EYA2: variants seen among roughly 807,000 people sequenced by gnomAD.
The protein encoded by EYA2 is EYA transcriptional coactivator and phosphatase 2.
EYA2 carries 31 observed loss-of-function variants against 69.2 expected under a neutral mutation model. The ratio of observed to expected loss-of-function variants is 0.45; its 90% CI spans 0.34 to 0.60. The LOEUF is 0.60. EYA2 is among the 20% of genes least tolerant of loss of function. The pLI, the probability that EYA2 is intolerant of heterozygous loss-of-function variation, is 0.02. For missense variants in EYA2, 622 were observed against 701.2 expected (o/e 0.89, Z 1.28); for synonymous variants, 257 against 279.4 (o/e 0.92, Z 0.80).
chr20:47,011,870 G>T (rs2146362872), intron 4 of EYA2, among the ~76,000 whole-genome samples: 1 of 152,316 alleles, frequency 6.6e-6, no homozygotes, highest in African/African-American at 2.4e-5. Context: ...GGAGAATTGT[G>T]TTAGTGTGAG....
rs75197242 is a variant in EYA2 at position 47,069,804 on chromosome 20, C to T, written c.416-2381C>T. Among the ~76,000 whole-genome samples, 1,326 of 151,778 alleles carry T rather than the reference C, an allele frequency of 8.7e-3. 20 individuals are homozygous for T. Among genetic ancestry groups the T allele is most frequent in the African/African-American group, 0.031 (1,270 of 41,394 alleles). On this transcript the variant is annotated intron_variant, in intron 5 of 15. Coordinates refer to ENST00000327619, the MANE Select transcript of EYA2 (RefSeq NM_005244.5). ...GAAAGGATAGACTTTTTATAGTGGT[C>T]CTGGAACAACTGTGTGTGTGTATAT...
chr20:46,924,396 C>T (rs1285467370), intron 1 of EYA2, among the ~76,000 whole-genome samples: 1 of 152,132 alleles, frequency 6.6e-6, no homozygotes, highest in Non-Finnish European at 1.5e-5. Flanking sequence ...GTAGGCCGGG[C>T]ACGCTGGCTC....
intron 1 of EYA2, among the ~76,000 whole-genome samples, chr20:46,910,919 T>G (rs1352605350): frequency 6.6e-6 from 1 of 152,192 alleles, no homozygotes; most frequent in Non-Finnish European, 1.5e-5. Context: ...CGCAGTTGAC[T>G]GGGGCTGGGA....
intron 1 of EYA2, among the ~76,000 whole-genome samples, chr20:46,930,875 G>A (rs563527437): frequency 5.3e-5 from 8 of 152,186 alleles, no homozygotes; most frequent in Admixed American, 3.3e-4. Context: ...CCATGACTCT[G>A]AGAAATAATA....
Position 47,071,084 on chromosome 20 carries a change from G to A in EYA2, c.416-1101G>A, listed in dbSNP as rs865870900. Among the ~76,000 whole-genome samples, 87 of 151,930 alleles carry A rather than the reference G, an allele frequency of 5.7e-4. 1 individual carries two copies. Among genetic ancestry groups the A allele is most frequent in the African/African-American group, 1.8e-3 (74 of 41,440 alleles). ...GAGTGCAGTGGCACAGTCTTGGCTCGCTGCTACCTCCGCCTCCCGAGTTCA... is the reference window on the plus strand; with the variant it reads ...GAGTGCAGTGGCACAGTCTTGGCTCACTGCTACCTCCGCCTCCCGAGTTCA... On this transcript the variant is annotated intron_variant, in intron 5 of 15. Coordinates refer to ENST00000327619, the MANE Select transcript of EYA2 (RefSeq NM_005244.5).
At chr20:47,121,075 T>TTTGTTG (rs146530303) in intron 9 of EYA2, among the ~76,000 whole-genome samples, 7 of 151,548 alleles carry the variant, frequency 4.6e-5, no homozygotes, top group East Asian at 1.9e-4. Flanking sequence ...GGAATTCAAG[T>TTTGTTG]TTGTTGTTGT....
intron 9 of EYA2, among the ~76,000 whole-genome samples, chr20:47,114,209 C>T (rs376534339): frequency 6.6e-6 from 1 of 152,228 alleles, no homozygotes; most frequent in South Asian, 2.1e-4. Flanking sequence ...CCCTGAGGCT[C>T]ACCTCGCTGA....
Position 47,007,808 on chromosome 20 carries a change from G to T in EYA2, c.298+2724G>T, listed in dbSNP as rs553316483. Among the ~76,000 whole-genome samples, 4 of 151,686 alleles carry T rather than the reference G, an allele frequency of 2.6e-5. No homozygotes were observed. In the South Asian group the frequency reaches 8.4e-4, roughly 32 times the overall value. ...TTTTTTTTTATTTTTTTGTAGAGAC[G>T]GGGGGTGGGGGGTCTCACTTTGTTG... On this transcript the variant is annotated intron_variant, in intron 4 of 15. Coordinates refer to ENST00000327619, the MANE Select transcript of EYA2 (RefSeq NM_005244.5).
intron 9 of EYA2, among the ~76,000 whole-genome samples, chr20:47,100,003 CTTTGGTTTGGTTTGGTTTGGTTTGG>C (rs58530559): frequency 6.6e-6 from 1 of 151,540 alleles, no homozygotes; most frequent in Admixed American, 6.6e-5. Flanking sequence ...GGACAGGGAC[CTTTGGTTTGGTTTGGTTTGGTTTGG>C]TTTGGTTTGG....
intron 9 of EYA2, among the ~76,000 whole-genome samples, chr20:47,106,307 A>T (rs1239941165): frequency 1.3e-5 from 2 of 152,114 alleles, no homozygotes; most frequent in African/African-American, 2.4e-5. Flanking sequence ...ACATGGTAGG[A>T]GCTCAGTAAA....
intron 9 of EYA2, among the ~76,000 whole-genome samples, chr20:47,101,098 T>G (rs1472563814): frequency 2.6e-5 from 4 of 152,226 alleles, no homozygotes; most frequent in African/African-American, 4.8e-5. Context: ...TTTATTAATT[T>G]TTTTAGAGAC....
intron 5 of EYA2, among the ~76,000 whole-genome samples, chr20:47,053,496 T>C (rs2146438751): frequency 6.6e-6 from 1 of 151,854 alleles, no homozygotes; most frequent in Non-Finnish European, 1.5e-5. Flanking sequence ...CAAAACTCCG[T>C]CTCTACTAGA....
intron 9 of EYA2, 42 bp downstream of exon 9, chr20:47,097,210 A>G: frequency 1.4e-6 from 2 of 1,471,960 alleles, no homozygotes; most frequent in Admixed American, 1.8e-5. Flanking sequence ...TTTTGTTTTC[A>G]ACGTTATTGT....
chr20:46,898,602 A>G (rs1983934597), intron 1 of EYA2, among the ~76,000 whole-genome samples: 1 of 152,214 alleles, frequency 6.6e-6, no homozygotes, highest in Non-Finnish European at 1.5e-5. Context: ...TTCGCTGGAG[A>G]CAATGCTTCG....
chr20:47,022,632 A>G (rs548063575), intron 5 of EYA2, among the ~76,000 whole-genome samples: 2 of 149,196 alleles, frequency 1.3e-5, no homozygotes, highest in South Asian at 4.3e-4. Flanking sequence ...TAACTGAGAT[A>G]TAACTCACAT....
chr20:47,110,518 G>A (rs1415885966), intron 9 of EYA2, among the ~76,000 whole-genome samples: 4 of 152,120 alleles, frequency 2.6e-5, no homozygotes, highest in South Asian at 2.1e-4. Context: ...CACCATGTCC[G>A]GCCGCTCCAC....
rs193090477 is a variant in EYA2 at position 47,179,207 on chromosome 20, A to G, written c.1199-591A>G. ...TACTCCTGAATTTTTTGTTGGATGCATGGATGGATGGATATGGGGTAGATG... is the reference window on the plus strand; with the variant it reads ...TACTCCTGAATTTTTTGTTGGATGCGTGGATGGATGGATATGGGGTAGATG... On this transcript the variant is annotated intron_variant, in intron 12 of 15. Coordinates refer to ENST00000327619, the MANE Select transcript of EYA2 (RefSeq NM_005244.5). Among the ~76,000 whole-genome samples, 7 of 147,442 alleles carry G rather than the reference A, an allele frequency of 4.7e-5. No individual in the cohort carries two copies. In the Admixed American group the frequency reaches 4.8e-4, roughly 10 times the overall value.
intron 1 of EYA2, among the ~76,000 whole-genome samples, chr20:46,968,851 C>T (rs2146297017): frequency 6.6e-6 from 1 of 152,292 alleles, no homozygotes; most frequent in South Asian, 2.1e-4. Flanking sequence ...ACCTGGGTCG[C>T]TCTGTGTCCT....
In EYA2 at chr20:46,923,980, A is replaced by G. The variant is rs1985293809; in HGVS notation, c.-11+28993A>G. On this transcript the variant is annotated intron_variant, in intron 1 of 15. Coordinates refer to ENST00000327619, the MANE Select transcript of EYA2 (RefSeq NM_005244.5). ...GCTGGATGGTTTGGTTTTTAACACC[A>G]AACACTTGCTAATTCTCTTTGTATA... Among the ~76,000 whole-genome samples the G allele has an allele frequency of 2.0e-5, 3 of 152,196 alleles. No homozygotes were observed. In the South Asian group the frequency reaches 6.2e-4, roughly 32 times the overall value.
Sources: gnomAD v4.1 joint callset for allele counts (sites outside exome capture counted in the v4.1 genomes callset) on GRCh38, gnomAD v4.1.1 for gene constraint, MANE v1.5 for transcripts, NCBI Gene and HGNC (gene_info 2026-07-23, HGNC 2026-07-21) for gene names.